The following ZNF607 variants were observed in gnomAD, a reference collection of about 807,000 sequenced individuals.
ZNF607 encodes the protein zinc finger protein 607.
In ZNF607, 5 loss-of-function variants were observed where a neutral mutation model predicts 12.8. The ratio of observed to expected loss-of-function variants is 0.39; its 90% confidence interval spans 0.20 to 0.82. The LOEUF is 0.82. ZNF607 is among the 40% of genes least tolerant of loss of function. ZNF607 has a pLI of 0.39. For synonymous variants in ZNF607, 287 were observed against 276.2 expected (o/e 1.04, Z -0.39); for missense variants, 851 against 859.2 (o/e 0.99, Z 0.12).
rs1352715593 is a variant in ZNF607, at chr19:37,707,917, T to G, written c.232A>C (p.Thr78Pro). ...CCCCTGCCTGACTTGCTCTTACCTG[T>G]ACACTCTCCTCTTGTTTCTTCCCTC... is the stretch of plus-strand genomic sequence containing the variant. ...IVREETRGEC[T>P]DLDSRCEIIS... Residue 78 changes from threonine to proline, a missense_variant, in exon 4 of 5, where the codon ACA (threonine) becomes CCA (proline). Thr to Pro is a conservative substitution (Grantham distance 38). Transcript: ENST00000355202. The G allele has an allele frequency of 6.2e-7, 1 of 1,613,704 alleles. No individual in the cohort carries two copies. Among genetic ancestry groups the G allele is most frequent in the East Asian group, 2.2e-5 (1 of 44,884 alleles).
At position 37,697,848 on chromosome 19, in the gene ZNF607, C is replaced by T. The variant is rs1464654412; in HGVS notation, c.*192G>A. On this transcript the variant is annotated 3_prime_UTR_variant, in exon 5 of 5. Coordinates refer to ENST00000355202, the MANE Select transcript of ZNF607 (RefSeq NM_032689.5). ...TAAATTCTCTGAATCTGAGTTAACA[C>T]AGGTCATACCAAAGAAACTGCATAT... The T allele has an allele frequency of 1.8e-5, 9 of 514,042 alleles. No homozygotes were observed. Among genetic ancestry groups the T allele is most frequent in the Non-Finnish European group, 3.0e-5 (9 of 296,990 alleles). 31.8% of individuals were successfully genotyped at this position (514,042 alleles called of 1,614,324 possible). A position where few individuals can be genotyped will look rare whatever the true frequency, so the allele number is the denominator to read the frequency against.
chr19:37,696,729 G>T lies in ZNF607; in HGVS notation c.*1311C>A. The T allele has an allele frequency of 1.1e-6, 1 of 938,386 alleles. No homozygotes were observed. The highest frequency in any genetic ancestry group is 1.7e-6 in the Non-Finnish European group (1 of 581,446). The allele number at this position is 938,386 out of a possible 1,614,324, so 58.1% of individuals were successfully genotyped here. ...CTGCAGCTTCCAGCTTGCACAGCTC[G>T]CTCTGGCCGTCCCCTGCAGTGGCCA... On this transcript the variant is annotated 3_prime_UTR_variant, in exon 5 of 5. Coordinates refer to ENST00000355202, the MANE Select transcript of ZNF607 (RefSeq NM_032689.5).
chr19:37,708,090 G>A (rs1426335842), intron 3 of ZNF607, 78 bp from the exon 4 acceptor site: 1 of 1,176,204 alleles, frequency 8.5e-7, no homozygotes, highest in Non-Finnish European at 1.2e-6. Context: ...TGCAATAAAT[G>A]AAAGGTCAAA....
rs1222724857 is a variant in ZNF607 at position 37,698,925 on chromosome 19, A to T, written c.1206T>A (p.Phe402Leu). 3.1e-6 allele frequency: 5 copies of T among 1,613,996 alleles called. No homozygotes were observed. The highest frequency in any genetic ancestry group is 4.2e-6 in the Non-Finnish European group (5 of 1,180,014). ...PYECNKCGKSFRLNSSLKIHQ... is the reference protein window; with the variant it reads ...PYECNKCGKSLRLNSSLKIHQ... ...GTATTTTAAGGGATGAATTGAGCCT[A>T]AAGGACTTCCCACATTTGTTACATT... The change falls in exon 5 of 5, where the codon TTT becomes TTA. Residue 402 changes from phenylalanine (F) to leucine (L), a missense_variant. Coordinates refer to ENST00000355202, the MANE Select transcript of ZNF607 (RefSeq NM_032689.5).
rs940600448 is a variant in ZNF607, at chr19:37,699,813, T to C, written c.318A>G (p.Arg106=). Residue 106 remains arginine, a synonymous_variant, in exon 5 of 5, where the codon AGA becomes AGG. Coordinates refer to ENST00000355202, the MANE Select transcript of ZNF607 (RefSeq NM_032689.5). The stretch of plus-strand genomic sequence containing the variant: ...CATATGGTTTCTGTCCATTATGAAT[T>C]CTCTGATGGAGAGTAACACATGAGT... ...RKHSCVTLHQ[R]IHNGQKPYEC... 6.2e-7 allele frequency: 1 copy of C among 1,613,976 alleles called. No homozygotes were observed.
At position 37,699,689 on chromosome 19, in the gene ZNF607, T is replaced by C. The variant is rs566785304; in HGVS notation, c.442A>G (p.Arg148Gly). 2.6e-4 allele frequency: 412 copies of C among 1,614,144 alleles called. 5 individuals carry two copies. In the South Asian group the frequency reaches 4.3e-3, roughly 17 times the overall value. Residue 148 changes from arginine (R) to glycine (G), a missense_variant, in exon 5 of 5, where the codon AGG becomes GGG. Coordinates refer to ENST00000355202, the MANE Select transcript of ZNF607 (RefSeq NM_032689.5). Reference protein sequence around the residue: ...SEEPDQCEKFRKAFSHLTDLR... With the variant: ...SEEPDQCEKFGKAFSHLTDLR... The stretch of plus-strand genomic sequence containing the variant: ...TCTGTAAGATGGCTAAATGCCTTCC[T>C]AAACTTTTCACATTGATCAGGTTCC...
At chr19:37,709,506 G>T (rs1206355470) in intron 3 of ZNF607, among the ~76,000 whole-genome samples, 190 bp downstream of exon 3, 1 of 152,178 alleles carries the variant, frequency 6.6e-6, no homozygotes, top group African/African-American at 2.4e-5. Context: ...GTCACTGAAA[G>T]ATAGAGAAGA....
At chr19:37,712,922 A>G (rs2045144632) in intron 1 of ZNF607, among the ~76,000 whole-genome samples, 1 of 152,224 alleles carries the variant, frequency 6.6e-6, no homozygotes, top group East Asian at 1.9e-4. Flanking sequence ...CTCCAACAAC[A>G]TGGGGAACTG....
Position 37,697,305 on chromosome 19 carries a change from C to G in ZNF607, c.*735G>C. 9.9e-7 allele frequency: 1 copy of G among 1,011,720 alleles called. No homozygotes were observed. Among genetic ancestry groups the G allele is most frequent in the Admixed American group, 1.7e-5 (1 of 58,306 alleles). 62.7% of individuals were successfully genotyped at this position (1,011,720 alleles called of 1,614,324 possible). Reference sequence around the variant, plus strand: ...TTGGTCAAAGATGGCAGCTCTGTGCCCAGCATCCACATTACATAAGGCAGA... The same window carrying G: ...TTGGTCAAAGATGGCAGCTCTGTGCGCAGCATCCACATTACATAAGGCAGA... On this transcript the variant is annotated 3_prime_UTR_variant, in exon 5 of 5. Transcript: ENST00000355202.
At chr19:37,712,201 A>C (rs2145245458) in intron 1 of ZNF607, among the ~76,000 whole-genome samples, 1 of 152,366 alleles carries the variant, frequency 6.6e-6, no homozygotes, top group South Asian at 2.1e-4. Context: ...CCTAGAATAC[A>C]AACTAGTCAT....
chr19:37,708,067 T>C, intron 3 of ZNF607, 55 bp from the exon 4 acceptor site: 1 of 1,446,168 alleles, frequency 6.9e-7, no homozygotes, highest in African/African-American at 1.4e-5. Flanking sequence ...AAGGTAAAAT[T>C]TAAAATTACA....
Position 37,696,749 on chromosome 19 carries a change from TG to T in ZNF607, c.*1290del. ...AGCTCGCTCTGGCCGTCCCCTGCAG[TG>T]GCCAGTGAGTTGGCGATCAGCTCAG... On this transcript the variant is annotated 3_prime_UTR_variant, in exon 5 of 5. Coordinates refer to ENST00000355202, the MANE Select transcript of ZNF607 (RefSeq NM_032689.5). 1 of 1,238,614 alleles carries T rather than the reference TG, an allele frequency of 8.1e-7. No homozygotes were observed. Among genetic ancestry groups the T allele is most frequent in the Admixed American group, 1.8e-5 (1 of 56,312 alleles). The allele number at this position is 1,238,614 out of a possible 1,614,324, so 76.7% of individuals were successfully genotyped here.
At position 37,696,627 on chromosome 19, in the gene ZNF607, C is replaced by G. The variant is rs993601889; in HGVS notation, c.*1413G>C. ...CAGGTAGGCTGGGGCCTCACTAGGG[C>G]AGCTGGAGGAGCACGGACTGCCCTG... On this transcript the variant is annotated 3_prime_UTR_variant, in exon 5 of 5. Transcript: ENST00000355202. 1.6e-6 allele frequency: 1 copy of G among 620,348 alleles called. No individual in the cohort carries two copies. Among genetic ancestry groups the G allele is most frequent in the Non-Finnish European group, 3.0e-6 (1 of 334,512 alleles). The allele number at this position is 620,348 out of a possible 1,614,324, so 38.4% of individuals were successfully genotyped here.
chr19:37,704,547 C>A (rs2045064534), intron 4 of ZNF607, among the ~76,000 whole-genome samples: 1 of 152,004 alleles, frequency 6.6e-6, no homozygotes, highest in African/African-American at 2.4e-5. Context: ...AATTAGAAAG[C>A]AATCTGAACT....
At chr19:37,712,364 A>C (rs923762167) in intron 1 of ZNF607, among the ~76,000 whole-genome samples, 1 of 152,260 alleles carries the variant, frequency 6.6e-6, no homozygotes, top group South Asian at 2.1e-4. Context: ...GATAATCATA[A>C]AATAGGCAAG....
chr19:37,703,615 C>G (rs2045057716), intron 4 of ZNF607, among the ~76,000 whole-genome samples: 1 of 151,902 alleles, frequency 6.6e-6, no homozygotes, highest in African/African-American at 2.4e-5. Flanking sequence ...AAGATGGAAT[C>G]AATATAACAA....
In ZNF607 at chr19:37,699,356, CACATTTGTT is replaced by C. The variant is rs764140510; in HGVS notation, c.766_774del (p.Asn256_Cys258del). The stretch of plus-strand genomic sequence containing the variant: ...CCTGCTTTGAGCCTAAAGGACTTCC[CACATTTGTT>C]ACATTCAAAGGGCTTCTCACCAGTG... On this transcript the variant is annotated inframe_deletion, in exon 5 of 5. Transcript: ENST00000355202. The C allele has an allele frequency of 1.2e-6, 2 of 1,614,076 alleles. No individual in the cohort carries two copies. Among genetic ancestry groups the C allele is most frequent in the East Asian group, 4.5e-5 (2 of 44,878 alleles).
chr19:37,699,544 G>C lies in ZNF607; in HGVS notation c.587C>G (p.Pro196Arg). 1 of 1,613,964 alleles carries C rather than the reference G, an allele frequency of 6.2e-7. No homozygotes were observed. Among genetic ancestry groups the C allele is most frequent in the Non-Finnish European group, 8.5e-7 (1 of 1,179,986 alleles). ...TTCCCCACACTCTTTACATTCATAG[G>C]GTTTCTCAACATGAACTTTCCCATG... ...AQHGKVHVEK[P>R]YECKECGEAF... is the part of the protein sequence containing the mutation. Residue 196 changes from proline (P) to arginine (R), a missense_variant, in exon 5 of 5, where the codon CCC becomes CGC. Physicochemically the swap from Pro to Arg is moderately radical, Grantham distance 103. Coordinates refer to ENST00000355202, the MANE Select transcript of ZNF607 (RefSeq NM_032689.5).
chr19:37,699,264 G>T lies in ZNF607; in HGVS notation c.867C>A (p.Ala289=). 1 of 1,613,988 alleles carries T rather than the reference G, an allele frequency of 6.2e-7. No homozygotes were observed. Among genetic ancestry groups the T allele is most frequent in the Non-Finnish European group, 8.5e-7 (1 of 1,180,006 alleles). ...CCACAAGGTGGGAAAACTGACGAAA[G>T]GCCTTTCCACATTCCTTACATTCAT... ...KPHECKECGK[A]FRQFSHLVGH... Residue 289 remains alanine (A), a synonymous_variant, in exon 5 of 5, where the codon GCC becomes GCA. Coordinates refer to ENST00000355202, the MANE Select transcript of ZNF607 (RefSeq NM_032689.5).
Sources: allele counts gnomAD v4.1 joint callset (sites outside exome capture counted in the v4.1 genomes callset), GRCh38; gene constraint gnomAD v4.1.1; transcripts MANE v1.5; gene names NCBI Gene and HGNC (gene_info 2026-07-23, HGNC 2026-07-21).